The following FOXN3 variants were observed in gnomAD, a reference collection of about 807,000 sequenced individuals.
FOXN3 encodes the protein forkhead box N3.
In FOXN3, 7 loss-of-function variants were observed where a neutral mutation model predicts 38.4. The observed-to-expected ratio is 0.18, with a 90% CI of 0.10 to 0.34. The LOEUF (loss-of-function observed/expected upper bound fraction) is 0.34. Ranked by LOEUF, FOXN3 falls within the 10% of genes least tolerant of loss-of-function variation. The pLI, the probability that FOXN3 is intolerant of heterozygous loss-of-function variation, is 1.00. For missense variants in FOXN3, 456 were observed against 613.4 expected (o/e 0.74, Z 2.71); for synonymous variants, 230 against 242.2 (o/e 0.95, Z 0.47).
chr14:89,290,958 C>A, intron 3 of FOXN3: 2 of 348,624 alleles, frequency 5.7e-6, no homozygotes, highest in Non-Finnish European at 1.1e-5. Flanking sequence ...GAACAGAAAG[C>A]GCTGATGTGG....
intron 1 of FOXN3, among the ~76,000 whole-genome samples, chr14:89,536,252 T>C (rs892388731): frequency 5.9e-5 from 9 of 152,344 alleles, no homozygotes; most frequent in African/African-American, 1.9e-4. Flanking sequence ...CCTAGCTGTG[T>C]ATCCCTAGGT....
intron 1 of FOXN3, among the ~76,000 whole-genome samples, chr14:89,534,416 T>C (rs1317194671): frequency 1.3e-5 from 2 of 152,116 alleles, no homozygotes; most frequent in Admixed American, 1.3e-4. Flanking sequence ...GTATTCTTTT[T>C]GATAGGAAAA....
At chr14:89,411,889 A>T (rs764258720) in intron 2 of FOXN3, 45 bp downstream of exon 2, 17 of 276,458 alleles carry the variant, frequency 6.1e-5, no homozygotes, top group East Asian at 1.2e-4. Context: ...ATTTTAAATT[A>T]AAAAAAAAAA....
chr14:89,430,640 CGA>C (rs1235581381), intron 1 of FOXN3, among the ~76,000 whole-genome samples: 1 of 152,116 alleles, frequency 6.6e-6, no homozygotes, highest in African/African-American at 2.4e-5. Context: ...GAAGACATCG[CGA>C]GAGTTAAGAG....
At chr14:89,352,967 G>A (rs1235060582) in intron 2 of FOXN3, among the ~76,000 whole-genome samples, 1 of 152,118 alleles carries the variant, frequency 6.6e-6, no homozygotes, top group Non-Finnish European at 1.5e-5. Flanking sequence ...TCCAGCTGGG[G>A]CAAGAACAGT....
intron 4 of FOXN3, among the ~76,000 whole-genome samples, chr14:89,205,089 C>A (rs1596101836): frequency 2.0e-5 from 3 of 148,934 alleles, no homozygotes; most frequent in African/African-American, 7.7e-5. Flanking sequence ...CATCCCTGGA[C>A]AAGTATTCTG....
At chr14:89,182,824 G>A (rs1304713573) in intron 4 of FOXN3, among the ~76,000 whole-genome samples, 1 of 152,176 alleles carries the variant, frequency 6.6e-6, no homozygotes, top group Non-Finnish European at 1.5e-5. Context: ...AGACTCACAC[G>A]CATGTGGTCA....
chr14:89,459,124 C>T (rs150222710), intron 1 of FOXN3, among the ~76,000 whole-genome samples: 406 of 150,084 alleles, frequency 2.7e-3, no homozygotes, highest in African/African-American at 9.7e-3. Flanking sequence ...ATCCTTTAAA[C>T]GAGAAACAAG....
At chr14:89,371,915 C>T (rs1890328340) in intron 2 of FOXN3, among the ~76,000 whole-genome samples, 1 of 152,024 alleles carries the variant, frequency 6.6e-6, no homozygotes, top group African/African-American at 2.4e-5. Flanking sequence ...GTTCAGGTCC[C>T]GGGGGGATGG....
chr14:89,314,215 G>A (rs1205134497), intron 3 of FOXN3, among the ~76,000 whole-genome samples: 1 of 152,126 alleles, frequency 6.6e-6, no homozygotes, highest in African/African-American at 2.4e-5. Context: ...TCTTTAAACT[G>A]TTTTATTGTT....
chr14:89,363,988 A>ATATATATAT (rs1420813459), intron 2 of FOXN3, among the ~76,000 whole-genome samples: 11 of 52,032 alleles, frequency 2.1e-4, no homozygotes, highest in Non-Finnish European at 3.8e-4. Context: ...ATATATATAT[A>ATATATATAT]ATATATATAT....
At chr14:89,604,475 T>TGA (rs1896229244) in intron 1 of FOXN3, among the ~76,000 whole-genome samples, 1 of 152,072 alleles carries the variant, frequency 6.6e-6, no homozygotes, top group African/African-American at 2.4e-5. Flanking sequence ...GGGAAAAAAC[T>TGA]GAGTAAATTA....
At chr14:89,452,251 C>T (rs1473015455) in intron 1 of FOXN3, among the ~76,000 whole-genome samples, 1 of 152,098 alleles carries the variant, frequency 6.6e-6, no homozygotes, top group Non-Finnish European at 1.5e-5. Context: ...AACCATCTTC[C>T]TAATTTGGTT....
At chr14:89,506,833 C>G (rs907325107) in intron 1 of FOXN3, among the ~76,000 whole-genome samples, 4 of 152,136 alleles carry the variant, frequency 2.6e-5, no homozygotes, top group African/African-American at 9.7e-5. Context: ...TACCCACAAC[C>G]CTGTGCTCAC....
intron 1 of FOXN3, among the ~76,000 whole-genome samples, chr14:89,611,737 C>A (rs574611616): frequency 1.4e-5 from 2 of 141,142 alleles, no homozygotes; most frequent in African/African-American, 5.4e-5. Context: ...ACCTGGGAGG[C>A]GGAGCTTGCA....
intron 2 of FOXN3, among the ~76,000 whole-genome samples, chr14:89,386,125 C>T (rs1890783524): frequency 6.6e-6 from 1 of 152,344 alleles, no homozygotes. Context: ...TCAGAGGATG[C>T]ACACGGGGGA....
At chr14:89,323,080 A>G (rs2139974695) in intron 3 of FOXN3, among the ~76,000 whole-genome samples, 1 of 151,950 alleles carries the variant, frequency 6.6e-6, no homozygotes, top group Admixed American at 6.6e-5. Flanking sequence ...CAAGGTCAGG[A>G]GATCAAGACC....
chr14:89,396,997 C>T (rs545342755), intron 2 of FOXN3, among the ~76,000 whole-genome samples: 1 of 152,004 alleles, frequency 6.6e-6, no homozygotes, highest in Admixed American at 6.6e-5. Context: ...GCAAGAATCT[C>T]TGCTGTCACT....
intron 3 of FOXN3, among the ~76,000 whole-genome samples, chr14:89,331,357 T>C (rs1888242493): frequency 6.6e-6 from 1 of 152,228 alleles, no homozygotes; most frequent in South Asian, 2.1e-4. Flanking sequence ...TCAAAGTTCA[T>C]CTATGTTGTG....
Sources: gnomAD v4.1 joint callset for allele counts (sites outside exome capture counted in the v4.1 genomes callset) on GRCh38, gnomAD v4.1.1 for gene constraint, MANE v1.5 for transcripts, NCBI Gene and HGNC (gene_info 2026-07-23, HGNC 2026-07-21) for gene names.